The following TENM3 variants were observed in gnomAD, a reference collection of about 807,000 sequenced individuals.
TENM3 encodes teneurin-3.
TENM3 carries 63 observed loss-of-function variants against 255.1 expected under a neutral mutation model. The observed-to-expected ratio is 0.25, with a 90% CI of 0.20 to 0.30. The LOEUF is 0.30. TENM3 is among the 10% of genes least tolerant of loss of function. TENM3 has a pLI of 1.00. For missense variants in TENM3, 2,929 were observed against 3,461.1 expected, an observed-to-expected ratio of 0.85 and a Z score of 3.86; for synonymous variants, 1,306 against 1,322.3, an observed-to-expected ratio of 0.99 and a Z score of 0.27.
At chr4:182,402,008 G>A (rs1282996459) in intron 3 of TENM3, among the ~76,000 whole-genome samples, 1 of 152,150 alleles carries the variant, frequency 6.6e-6, no homozygotes, top group Non-Finnish European at 1.5e-5. Context: ...GAATTTACAA[G>A]TATCGACTAA....
At chr4:182,428,663 T>C (rs1232615830) in intron 3 of TENM3, among the ~76,000 whole-genome samples, 1 of 152,082 alleles carries the variant, frequency 6.6e-6, no homozygotes, top group Non-Finnish European at 1.5e-5. Context: ...TTGCTTGACT[T>C]GTGCAGCCCC....
chr4:182,752,544 C>T (rs530409736), intron 20 of TENM3, among the ~76,000 whole-genome samples: 6 of 152,064 alleles, frequency 3.9e-5, no homozygotes, highest in East Asian at 1.9e-4. Flanking sequence ...AAAAATTCTA[C>T]GTGATAAAGG....
chr4:182,385,170 T>C (rs973326130), intron 3 of TENM3, among the ~76,000 whole-genome samples: 2 of 151,644 alleles, frequency 1.3e-5, no homozygotes, highest in South Asian at 2.1e-4. Context: ...ATCCAAACAT[T>C]AAATGACAAG....
the TENM3 span, among the ~76,000 whole-genome samples, chr4:181,665,064 A>G: frequency 2.6e-5 from 4 of 152,178 alleles, no homozygotes; most frequent in Non-Finnish European, 4.4e-5. Flanking sequence ...TAAAGGAGAA[A>G]TAGGCTCAGA....
chr4:182,798,675 C>G (rs1375081048), intron 27 of TENM3, among the ~76,000 whole-genome samples: 1 of 152,190 alleles, frequency 6.6e-6, no homozygotes, highest in Non-Finnish European at 1.5e-5. Flanking sequence ...CTGAAAACAC[C>G]TACATCTAAC....
chr4:182,787,462 G>A (rs972125221), intron 24 of TENM3, among the ~76,000 whole-genome samples: 5 of 152,088 alleles, frequency 3.3e-5, no homozygotes, highest in Admixed American at 6.5e-5. Context: ...GGCCAGGCTC[G>A]GTGGCTCGTG....
At chr4:182,360,095 A>G (rs1237817706) in intron 3 of TENM3, among the ~76,000 whole-genome samples, 3 of 150,516 alleles carry the variant, frequency 2.0e-5, no homozygotes, top group Non-Finnish European at 4.4e-5. Flanking sequence ...ATAGTTTGTT[A>G]TAATTTGTGT....
chr4:182,685,686 C>T (rs1756517182), intron 11 of TENM3, among the ~76,000 whole-genome samples: 1 of 151,990 alleles, frequency 6.6e-6, no homozygotes, highest in Non-Finnish European at 1.5e-5. Context: ...TCTTAGGCCT[C>T]CATCAGTAAA....
chr4:182,534,341 T>C (rs1177232453), intron 3 of TENM3, among the ~76,000 whole-genome samples: 1 of 152,140 alleles, frequency 6.6e-6, no homozygotes, highest in East Asian at 1.9e-4. Context: ...CAGAGGACAA[T>C]ATAAAGATAC....
At chr4:181,613,748 A>AT in the TENM3 span, among the ~76,000 whole-genome samples, 2 of 152,182 alleles carry the variant, frequency 1.3e-5, no homozygotes, top group Admixed American at 6.5e-5. Flanking sequence ...CCAAATTGTG[A>AT]TTGGGGGGCC....
At chr4:181,628,988 CT>C in the TENM3 span, among the ~76,000 whole-genome samples, 28 of 152,190 alleles carry the variant, frequency 1.8e-4, no homozygotes, top group African/African-American at 6.3e-4. Flanking sequence ...TCTTCCATTT[CT>C]TTGTATCTTC....
chr4:182,299,686 C>A (rs961889853), intron 1 of TENM3, among the ~76,000 whole-genome samples: 1 of 152,120 alleles, frequency 6.6e-6, no homozygotes, highest in Non-Finnish European at 1.5e-5. Context: ...TGTTATTATC[C>A]CCCATTGTAG....
chr4:182,321,634 A>C (rs1763059635), intron 1 of TENM3, among the ~76,000 whole-genome samples: 1 of 143,998 alleles, frequency 6.9e-6, no homozygotes, highest in Admixed American at 6.8e-5. Flanking sequence ...TCAAAATAAT[A>C]ATAATAATAA....
the TENM3 span, among the ~76,000 whole-genome samples, chr4:181,797,539 G>A: frequency 0.017 from 2,519 of 152,092 alleles, 55 homozygotes; most frequent in African/African-American, 0.057. Flanking sequence ...TAACTCTAAC[G>A]CTGCCCCATC....
At chr4:182,768,376 A>C (rs1330242476) in intron 22 of TENM3, among the ~76,000 whole-genome samples, 1 of 152,198 alleles carries the variant, frequency 6.6e-6, no homozygotes. Context: ...TAGGCTGTTG[A>C]CATTGGGTTG....
the TENM3 span, among the ~76,000 whole-genome samples, chr4:181,854,504 C>T: frequency 3.2e-3 from 475 of 146,872 alleles, 10 homozygotes; most frequent in African/African-American, 0.011. Context: ...CCCTTTCCAA[C>T]TGGCAATAAA....
the TENM3 span, among the ~76,000 whole-genome samples, chr4:181,817,149 T>C: frequency 6.6e-6 from 1 of 152,178 alleles, no homozygotes; most frequent in African/African-American, 2.4e-5. Flanking sequence ...TCTGTAGATA[T>C]TCAGTAGTTA....
intron 3 of TENM3, among the ~76,000 whole-genome samples, chr4:182,527,329 C>T (rs573487327): frequency 4.1e-4 from 63 of 152,170 alleles, no homozygotes; most frequent in Non-Finnish European, 7.8e-4. Context: ...TAAATTATGA[C>T]GCGGTTGTCA....
At chr4:182,002,082 G>C in the TENM3 span, among the ~76,000 whole-genome samples, 2 of 152,120 alleles carry the variant, frequency 1.3e-5, no homozygotes, top group African/African-American at 2.4e-5. Flanking sequence ...GAGGAGAAAA[G>C]TTAATCATAT....
Sources: gnomAD v4.1 joint callset for allele counts (sites outside exome capture counted in the v4.1 genomes callset) on GRCh38, gnomAD v4.1.1 for gene constraint, MANE v1.5 for transcripts, NCBI Gene and HGNC (gene_info 2026-07-23, HGNC 2026-07-21) for gene names.